LDLRAD4: variants seen among roughly 807,000 people sequenced by gnomAD.
LDLRAD4 encodes the protein low density lipoprotein receptor class A domain containing 4, also known as low-density lipoprotein receptor class A domain-containing protein 4.
A neutral mutation model predicts 17.0 loss-of-function variants in LDLRAD4; 5 were observed. The ratio of observed to expected loss-of-function variants is 0.29; its 90% confidence interval spans 0.15 to 0.62. LDLRAD4 has a LOEUF of 0.62. Among genes scored for constraint, LDLRAD4 ranks in the 20% least tolerant of loss-of-function variants. LDLRAD4 has a pLI of 0.84. For missense variants in LDLRAD4, 340 were observed against 424.7 expected, an observed-to-expected ratio of 0.80 and a Z score of 1.75; for synonymous variants, 168 against 171.8, an observed-to-expected ratio of 0.98 and a Z score of 0.17.
At chr18:13,482,448 CA>C (rs1328245528) in intron 3 of LDLRAD4, among the ~76,000 whole-genome samples, 1 of 152,144 alleles carries the variant, frequency 6.6e-6, no homozygotes. Context: ...TCTGTATTGG[CA>C]AAAAACACTC....
intron 1 of LDLRAD4, among the ~76,000 whole-genome samples, chr18:13,383,988 G>A (rs1028046020): frequency 1.3e-5 from 2 of 152,218 alleles, no homozygotes; most frequent in South Asian, 4.1e-4. Context: ...GAATAGGCAC[G>A]TTATCCATTG....
chr18:13,428,882 A>G (rs905648830), intron 2 of LDLRAD4, among the ~76,000 whole-genome samples: 5 of 152,196 alleles, frequency 3.3e-5, no homozygotes, highest in Admixed American at 2.0e-4. Flanking sequence ...TGAGATGTCT[A>G]TTATACATTC....
At chr18:13,316,405 C>T (rs1456257152) in intron 1 of LDLRAD4, among the ~76,000 whole-genome samples, 8 of 152,068 alleles carry the variant, frequency 5.3e-5, no homozygotes, top group African/African-American at 9.7e-5. Flanking sequence ...TTCAGACAAA[C>T]GGAATCAGAC....
At chr18:13,315,149 G>A (rs2080859281) in intron 1 of LDLRAD4, among the ~76,000 whole-genome samples, 1 of 152,178 alleles carries the variant, frequency 6.6e-6, no homozygotes, top group Non-Finnish European at 1.5e-5. Context: ...ACCTGAAATA[G>A]TTTAGCCTTC....
At chr18:13,643,399 T>C in exon 5 of LDLRAD4, 3 of 1,118,140 alleles carry the variant, frequency 2.7e-6, no homozygotes, top group Non-Finnish European at 3.3e-6. Flanking sequence ...GCACCGCGGC[T>C]GGGCGCCTCG....
intron 1 of LDLRAD4, among the ~76,000 whole-genome samples, chr18:13,342,975 C>G (rs889937011): frequency 6.6e-6 from 1 of 152,072 alleles, no homozygotes; most frequent in East Asian, 1.9e-4. Flanking sequence ...TCTGTAATGA[C>G]ATGTTTTGAT....
intron 2 of LDLRAD4, among the ~76,000 whole-genome samples, chr18:13,434,340 G>A (rs2090524775): frequency 6.6e-6 from 1 of 151,364 alleles, no homozygotes; most frequent in Non-Finnish European, 1.5e-5. Flanking sequence ...TTTTTTTTAA[G>A]AAGAGGAGTG....
intron 3 of LDLRAD4, among the ~76,000 whole-genome samples, chr18:13,553,695 A>G (rs533478071): frequency 6.6e-6 from 1 of 152,242 alleles, no homozygotes; most frequent in African/African-American, 2.4e-5. Flanking sequence ...TTCCTGGCTA[A>G]CCTCCATTTC....
chr18:13,323,651 G>T (rs146740961), intron 1 of LDLRAD4, among the ~76,000 whole-genome samples: 2 of 152,136 alleles, frequency 1.3e-5, no homozygotes, highest in African/African-American at 2.4e-5. Context: ...ACAGATGTGC[G>T]TGATGAACAA....
At chr18:13,250,599 G>T (rs1331822853) in intron 1 of LDLRAD4, among the ~76,000 whole-genome samples, 1 of 152,118 alleles carries the variant, frequency 6.6e-6, no homozygotes, top group Non-Finnish European at 1.5e-5. Flanking sequence ...AGAATATTAT[G>T]AATAACTACA....
chr18:13,605,526 C>G (rs914087393), intron 3 of LDLRAD4, among the ~76,000 whole-genome samples: 2 of 152,178 alleles, frequency 1.3e-5, no homozygotes, highest in Non-Finnish European at 2.9e-5. Flanking sequence ...CCCAGGGTCT[C>G]TGTTAACATA....
chr18:13,261,336 A>G (rs1256605344), intron 1 of LDLRAD4, among the ~76,000 whole-genome samples: 1 of 152,236 alleles, frequency 6.6e-6, no homozygotes, highest in Non-Finnish European at 1.5e-5. Context: ...TTCTTAGCCA[A>G]GGACTTGATT....
intron 2 of LDLRAD4, chr18:13,419,363 G>C (rs2089236351): frequency 6.6e-6 from 1 of 152,100 alleles, no homozygotes; most frequent in Admixed American, 6.6e-5. Flanking sequence ...TCATGATTAG[G>C]TCCAAACTTT....
intron 1 of LDLRAD4, among the ~76,000 whole-genome samples, chr18:13,224,552 C>T (rs539386826): frequency 9.7e-5 from 14 of 144,690 alleles, no homozygotes; most frequent in Non-Finnish European, 1.6e-4. Context: ...CAATCTCGGC[C>T]CACTGTAAGC....
intron 3 of LDLRAD4, among the ~76,000 whole-genome samples, chr18:13,469,459 A>G (rs964084012): frequency 4.6e-5 from 7 of 152,252 alleles, no homozygotes; most frequent in African/African-American, 1.7e-4. Context: ...ATTATTCACA[A>G]TGGCCAGAGA....
At chr18:13,466,024 C>T (rs1051694624) in intron 3 of LDLRAD4, among the ~76,000 whole-genome samples, 15 of 152,144 alleles carry the variant, frequency 9.9e-5, no homozygotes, top group South Asian at 2.1e-4. Context: ...GCTGTGCCTT[C>T]GGTGCTCAAA....
chr18:13,239,079 CAG>C (rs1463477439), intron 1 of LDLRAD4, among the ~76,000 whole-genome samples: 2 of 150,738 alleles, frequency 1.3e-5, no homozygotes, highest in African/African-American at 4.9e-5. Context: ...CCCAGCTACT[CAG>C]GGGGCTGAGG....
At chr18:13,606,244 C>T (rs1223824346) in intron 3 of LDLRAD4, among the ~76,000 whole-genome samples, 1 of 152,148 alleles carries the variant, frequency 6.6e-6, no homozygotes, top group Non-Finnish European at 1.5e-5. Flanking sequence ...ATTTCAGGCA[C>T]AAACCCACTT....
intron 1 of LDLRAD4, among the ~76,000 whole-genome samples, 184 bp downstream of exon 1, chr18:13,219,172 G>A (rs920111025): frequency 6.6e-6 from 1 of 151,828 alleles, no homozygotes; most frequent in Non-Finnish European, 1.5e-5. Context: ...ACTGGGGGAA[G>A]GCGCATCCGA....
Sources: gnomAD v4.1 joint callset for allele counts (sites outside exome capture counted in the v4.1 genomes callset) on GRCh38, gnomAD v4.1.1 for gene constraint, MANE v1.5 for transcripts, NCBI Gene and HGNC (gene_info 2026-07-23, HGNC 2026-07-21) for gene names.